The following C5 variants were observed in gnomAD, a reference collection of about 807,000 sequenced individuals.
C5 encodes C3 and PZP-like alpha-2-macroglobulin domain-containing protein 4.
In C5, 140 loss-of-function variants were observed where a neutral mutation model predicts 218.8. The observed-to-expected ratio is 0.64, with a 90% CI of 0.56 to 0.74. The LOEUF is 0.74. Ranked by LOEUF, C5 falls within the 30% of genes least tolerant of loss-of-function variation. The pLI is 0.00. For missense variants in C5, 1,700 were observed against 1,969.6 expected (o/e 0.86, Z 2.59); for synonymous variants, 614 against 682.3 (o/e 0.90, Z 1.56).
intron 20 of C5, among the ~76,000 whole-genome samples, chr9:121,002,117 A>AGT (rs2047166084): frequency 1.3e-5 from 2 of 148,934 alleles, no homozygotes; most frequent in African/African-American, 2.5e-5. Flanking sequence ...TTGCTGAGGC[A>AGT]GTGTGTGTAT....
intron 28 of C5, 80 bp downstream of exon 28, chr9:120,980,003 T>C: frequency 2.3e-6 from 3 of 1,278,548 alleles, no homozygotes; most frequent in Non-Finnish European, 3.4e-6. Context: ...CAAGTTCACA[T>C]GTCACCACCC....
intron 2 of C5, among the ~76,000 whole-genome samples, chr9:121,045,246 T>C (rs999068874): frequency 6.6e-6 from 1 of 152,164 alleles, no homozygotes; most frequent in Non-Finnish European, 1.5e-5. Context: ...TTAGTGTTTC[T>C]TAAACTTGAG....
rs2046839972 is a variant in C5 at position 120,963,134 on chromosome 9, C to T, written c.4324-167G>A. Among the ~76,000 whole-genome samples, 4 of 152,204 alleles carry T rather than the reference C, an allele frequency of 2.6e-5. No individual in the cohort carries two copies. In the South Asian group the frequency reaches 8.3e-4, roughly 32 times the overall value. On this transcript the variant is annotated intron_variant, in intron 34 of 40. Coordinates refer to ENST00000223642, the MANE Select transcript of C5 (RefSeq NM_001735.3). The stretch of plus-strand genomic sequence containing the variant: ...GTCTGAACACATTAGCATATAAACT[C>T]ATATTTTACAGAGCATGCTAGTGTA...
At chr9:120,984,186 T>C (rs1046276354) in intron 25 of C5, among the ~76,000 whole-genome samples, 1 of 140,386 alleles carries the variant, frequency 7.1e-6, no homozygotes, top group African/African-American at 2.7e-5. Flanking sequence ...TTTGCTCTAA[T>C]TGATTTAATT....
chr9:121,011,573 T>C (rs542707637), intron 17 of C5, among the ~76,000 whole-genome samples: 1 of 152,158 alleles, frequency 6.6e-6, no homozygotes, highest in Non-Finnish European at 1.5e-5. Context: ...TGGAGGTTCC[T>C]TAAAAAACAA....
chr9:121,074,766 C>CCGAAGG, the C5 span: 1 of 453,860 alleles, frequency 2.2e-6, no homozygotes, highest in South Asian at 1.6e-5. Flanking sequence ...GCAACGCAAT[C>CCGAAGG]CGAAGGCGAA....
At chr9:120,992,416 T>C (rs1009931902) in intron 22 of C5, among the ~76,000 whole-genome samples, 1 of 152,228 alleles carries the variant, frequency 6.6e-6, no homozygotes, top group African/African-American at 2.4e-5. Flanking sequence ...GTTCATCAGT[T>C]AAATGGAGAT....
chr9:120,970,376 G>T lies in C5; in HGVS notation c.4081-125C>A, dbSNP rs527724844. On this transcript the variant is annotated intron_variant, in intron 31 of 40. Coordinates refer to ENST00000223642, the MANE Select transcript of C5 (RefSeq NM_001735.3). ...TCATTTTCATAATCCAGCACAAATGGTGTACATTAGTGACTCATTTTTCCA... is the reference window on the plus strand; with the variant it reads ...TCATTTTCATAATCCAGCACAAATGTTGTACATTAGTGACTCATTTTTCCA... 5.6e-3 allele frequency: 3,947 copies of T among 709,508 alleles called. 160 individuals carry two copies. In the South Asian group the frequency reaches 0.057, roughly 10 times the overall value. 44.0% of individuals were successfully genotyped at this position (709,508 alleles called of 1,614,324 possible).
chr9:121,018,742 A>AAGGAAGGAAGGAAGG (rs774937700), intron 12 of C5, among the ~76,000 whole-genome samples: 7 of 99,172 alleles, frequency 7.1e-5, no homozygotes, highest in Non-Finnish European at 1.4e-4. Flanking sequence ...GGAAGGAAGG[A>AAGGAAGGAAGGAAGG]AAGGAAGGAA....
intron 1 of C5, among the ~76,000 whole-genome samples, chr9:121,046,840 G>T (rs2047632173): frequency 6.6e-6 from 1 of 152,094 alleles, no homozygotes; most frequent in Non-Finnish European, 1.5e-5. Flanking sequence ...TCTTTACCAG[G>T]CTCTGGTAAA....
At chr9:121,041,545 C>T (rs1197565297) in intron 3 of C5, among the ~76,000 whole-genome samples, 1 of 151,812 alleles carries the variant, frequency 6.6e-6, no homozygotes, top group Admixed American at 6.6e-5. Flanking sequence ...CCTTGTGATC[C>T]CCCCACCTCG....
chr9:120,958,641 C>T (rs2046803955), intron 38 of C5, among the ~76,000 whole-genome samples: 3 of 151,596 alleles, frequency 2.0e-5, no homozygotes, highest in Admixed American at 2.0e-4. Context: ...TATTCTGTTG[C>T]CTGAATTACT....
At chr9:120,994,508 A>G (rs2047101412) in intron 22 of C5, among the ~76,000 whole-genome samples, 1 of 152,040 alleles carries the variant, frequency 6.6e-6, no homozygotes, top group African/African-American at 2.4e-5. Flanking sequence ...GCTTGAAATC[A>G]GGAGGTGGAG....
the C5 span, among the ~76,000 whole-genome samples, chr9:121,055,360 T>A: frequency 6.6e-6 from 1 of 152,030 alleles, no homozygotes; most frequent in South Asian, 2.1e-4. Context: ...GCTGTCCTGG[T>A]CTTGGAGGCA....
intron 7 of C5, among the ~76,000 whole-genome samples, chr9:121,028,790 G>A (rs1217966931): frequency 5.9e-5 from 9 of 152,120 alleles, no homozygotes; most frequent in Non-Finnish European, 4.4e-5. Context: ...GTATACCTAT[G>A]TAACAAACCT....
the C5 span, among the ~76,000 whole-genome samples, chr9:121,060,581 A>C: frequency 1.3e-5 from 2 of 152,178 alleles, no homozygotes; most frequent in South Asian, 2.1e-4. Flanking sequence ...TACAAGAAAA[A>C]AAACCAGGTA....
intron 12 of C5, 86 bp from the exon 13 acceptor site, chr9:121,017,938 G>A (rs1292567498): frequency 2.4e-6 from 2 of 843,220 alleles, no homozygotes; most frequent in Non-Finnish European, 2.0e-6. Context: ...CCTGGAGCTG[G>A]AGCAGAAATT....
At chr9:120,976,671 G>C in intron 29 of C5, 29 bp downstream of exon 29, 1 of 1,567,872 alleles carries the variant, frequency 6.4e-7, no homozygotes. Context: ...ATGTCTACAG[G>C]GAGATGAAAC....
At chr9:121,004,490 G>A (rs2047199381) in intron 20 of C5, among the ~76,000 whole-genome samples, 1 of 152,016 alleles carries the variant, frequency 6.6e-6, no homozygotes, top group Non-Finnish European at 1.5e-5. Flanking sequence ...GAGCTTATTC[G>A]AGCCCAGGAG....
Sources: gnomAD v4.1 joint callset for allele counts (sites outside exome capture counted in the v4.1 genomes callset) on GRCh38, gnomAD v4.1.1 for gene constraint, MANE v1.5 for transcripts, NCBI Gene and HGNC (gene_info 2026-07-23, HGNC 2026-07-21) for gene names.